Variants in NEK11 observed in about 807,000 individuals in gnomAD.
NEK11 encodes serine/threonine-protein kinase Nek11.
NEK11 carries 72 observed loss-of-function variants against 80.7 expected under a neutral mutation model. That is an observed-to-expected ratio of 0.89 (90% CI 0.74 to 1.08). The LOEUF is 1.08. NEK11 is among the 50% of genes least tolerant of loss of function. NEK11 has a pLI of 0.00. For missense variants in NEK11, 764 were observed against 763.6 expected (o/e 1.00, Z -0.01); for synonymous variants, 251 against 260.7 (o/e 0.96, Z 0.36).
At chr3:131,345,360 C>T (rs2097347057) in intron 17 of NEK11, among the ~76,000 whole-genome samples, 1 of 151,976 alleles carries the variant, frequency 6.6e-6, no homozygotes, top group African/African-American at 2.4e-5. Context: ...AACCAAATAA[C>T]TCAATTTTTA....
chr3:131,088,930 A>G (rs988954157), intron 4 of NEK11, among the ~76,000 whole-genome samples: 6 of 152,196 alleles, frequency 3.9e-5, no homozygotes, highest in Admixed American at 6.5e-5. Context: ...TGGGTTGTAC[A>G]ATATAATGAC....
intron 16 of NEK11, among the ~76,000 whole-genome samples, chr3:131,266,523 G>C (rs1233797926): frequency 6.6e-6 from 1 of 152,178 alleles, no homozygotes; most frequent in East Asian, 1.9e-4. Flanking sequence ...GTTTGAGTGA[G>C]TTTCTTAATC....
Position 131,224,443 on chromosome 3 carries a change from G to A in NEK11, c.1400-4085G>A, listed in dbSNP as rs564749106. On this transcript the variant is annotated intron_variant, in intron 14 of 17. Transcript: ENST00000383366. ...TGGGTTTCTCCATGTTGCCCAGGCTGTTCTCGAACTCCTGACCTCTGGTGA... is the reference window on the plus strand; with the variant it reads ...TGGGTTTCTCCATGTTGCCCAGGCTATTCTCGAACTCCTGACCTCTGGTGA... Among the ~76,000 whole-genome samples the A allele has an allele frequency of 2.0e-5, 3 of 152,250 alleles. No homozygotes were observed. In the East Asian group the frequency reaches 5.8e-4, roughly 29 times the overall value.
chr3:131,209,759 A>C (rs2094552385), intron 14 of NEK11, among the ~76,000 whole-genome samples: 1 of 152,122 alleles, frequency 6.6e-6, no homozygotes, highest in African/African-American at 2.4e-5. Flanking sequence ...TATATTCTCT[A>C]GTTTATTTGC....
chr3:131,070,833 G>A (rs2073149883), intron 3 of NEK11, among the ~76,000 whole-genome samples: 1 of 152,132 alleles, frequency 6.6e-6, no homozygotes, highest in Admixed American at 6.6e-5. Flanking sequence ...TCCTTCAAGA[G>A]GTAAATGGTG....
chr3:131,027,879 A>G (rs2064142329), intron 1 of NEK11, 51 bp from the exon 2 acceptor site: 1 of 152,194 alleles, frequency 6.6e-6, no homozygotes, highest in Non-Finnish European at 1.5e-5. Flanking sequence ...AAGAGCCGCT[A>G]GAAGTGAACT....
chr3:131,049,505 CA>C (rs1235345878), intron 3 of NEK11, among the ~76,000 whole-genome samples: 5 of 152,162 alleles, frequency 3.3e-5, no homozygotes, highest in African/African-American at 1.2e-4. Flanking sequence ...TGACAATTTA[CA>C]AAATTATTTG....
intron 4 of NEK11, among the ~76,000 whole-genome samples, chr3:131,086,098 C>A (rs955845609): frequency 6.6e-6 from 1 of 152,108 alleles, no homozygotes. Context: ...TTAAGGGGTA[C>A]CAGCTGTATC....
At chr3:131,168,758 C>G (rs2092463836) in intron 12 of NEK11, 72 bp from the exon 13 acceptor site, 6 of 1,048,872 alleles carry the variant, frequency 5.7e-6, no homozygotes, top group Middle Eastern at 2.3e-4. Flanking sequence ...CTCCTGAAAG[C>G]AGCACTTCAC....
chr3:131,274,892 A>G (rs1420116833), intron 17 of NEK11, among the ~76,000 whole-genome samples: 3 of 151,510 alleles, frequency 2.0e-5, no homozygotes, highest in Non-Finnish European at 2.9e-5. Context: ...TGACCTCGTG[A>G]TCCACCCGCC....
chr3:131,092,598 G>C (rs1300458488), intron 4 of NEK11, among the ~76,000 whole-genome samples: 1 of 152,166 alleles, frequency 6.6e-6, no homozygotes, highest in Non-Finnish European at 1.5e-5. Context: ...TCATCGAGTA[G>C]TCCAAAACAG....
chr3:131,082,555 G>A (rs1040339245), intron 4 of NEK11, among the ~76,000 whole-genome samples: 3 of 152,146 alleles, frequency 2.0e-5, no homozygotes, highest in African/African-American at 7.2e-5. Flanking sequence ...CTTGCTGTGC[G>A]GATAGTGCAG....
At chr3:131,344,656 C>T (rs1464721968) in intron 17 of NEK11, among the ~76,000 whole-genome samples, 2 of 152,164 alleles carry the variant, frequency 1.3e-5, no homozygotes, top group African/African-American at 4.8e-5. Flanking sequence ...GTTTTCCAGC[C>T]TGTACAAGCA....
chr3:131,221,935 A>G (rs1385183655), intron 14 of NEK11, among the ~76,000 whole-genome samples: 1 of 152,134 alleles, frequency 6.6e-6, no homozygotes, highest in Non-Finnish European at 1.5e-5. Flanking sequence ...CAAGGCTTCC[A>G]GCTGATTCTG....
intron 3 of NEK11, among the ~76,000 whole-genome samples, chr3:131,066,870 G>C (rs1167748852): frequency 6.7e-6 from 1 of 149,322 alleles, no homozygotes; most frequent in African/African-American, 2.5e-5. Context: ...AAAAGAAAAA[G>C]AGGATTTACA....
chr3:131,192,687 G>A (rs1365681901), intron 14 of NEK11, among the ~76,000 whole-genome samples: 1 of 152,124 alleles, frequency 6.6e-6, no homozygotes, highest in African/African-American at 2.4e-5. Flanking sequence ...CAGACACAAG[G>A]GGACAAATAT....
At chr3:131,244,925 A>G (rs1425003190) in intron 16 of NEK11, among the ~76,000 whole-genome samples, 1 of 152,110 alleles carries the variant, frequency 6.6e-6, no homozygotes, top group Non-Finnish European at 1.5e-5. Context: ...CCCTATCTCA[A>G]AAATATATAT....
chr3:131,289,637 C>T (rs1443517962), intron 17 of NEK11, among the ~76,000 whole-genome samples: 1 of 152,118 alleles, frequency 6.6e-6, no homozygotes, highest in Non-Finnish European at 1.5e-5. Context: ...ATAAAGAGGA[C>T]AAGCCTTATG....
At chr3:131,325,978 G>C (rs2096961194) in intron 17 of NEK11, 1 of 152,142 alleles carries the variant, frequency 6.6e-6, no homozygotes, top group South Asian at 2.1e-4. Context: ...AGGTGGTCTA[G>C]ACAACAAGAG....
Sources: allele counts gnomAD v4.1 joint callset (sites outside exome capture counted in the v4.1 genomes callset), GRCh38; gene constraint gnomAD v4.1.1; transcripts MANE v1.5; gene names NCBI Gene and HGNC (gene_info 2026-07-23, HGNC 2026-07-21).